The following KIAA1217 variants were observed in gnomAD, a reference collection of about 807,000 sequenced individuals.
KIAA1217 encodes the protein sickle tail protein homolog.
A neutral mutation model predicts 163.9 loss-of-function variants in KIAA1217; 88 were observed. The ratio of observed to expected loss-of-function variants is 0.54; its 90% CI spans 0.45 to 0.64. The LOEUF is 0.64. Ranked by LOEUF, KIAA1217 falls within the 30% of genes least tolerant of loss-of-function variation. The pLI, the probability that KIAA1217 is intolerant of heterozygous loss-of-function variation, is 0.00. For missense variants in KIAA1217, 2,372 were observed against 2,475.0 expected (o/e 0.96, Z 0.88); for synonymous variants, 903 against 923.1 (o/e 0.98, Z 0.39).
At chr10:24,247,377 G>A (rs376428383) in intron 2 of KIAA1217, among the ~76,000 whole-genome samples, 8 of 152,098 alleles carry the variant, frequency 5.3e-5, no homozygotes, top group African/African-American at 1.4e-4. Context: ...CAATCCTCTC[G>A]CCTCTGCCTC....
At chr10:23,849,703 TA>T (rs368134730) in intron 1 of KIAA1217, among the ~76,000 whole-genome samples, 126 of 151,950 alleles carry the variant, frequency 8.3e-4, no homozygotes, top group African/African-American at 2.8e-3. Context: ...AAATAAAACT[TA>T]AAAAAAAGAG....
intron 2 of KIAA1217, among the ~76,000 whole-genome samples, chr10:24,308,140 A>G (rs2042219453): frequency 6.6e-6 from 1 of 152,200 alleles, no homozygotes; most frequent in Non-Finnish European, 1.5e-5. Context: ...CTCTATTGCT[A>G]AGCTGTGGAA....
chr10:24,059,221 T>C (rs1383580344), intron 2 of KIAA1217, among the ~76,000 whole-genome samples: 1 of 152,214 alleles, frequency 6.6e-6, no homozygotes, highest in Admixed American at 6.5e-5. Context: ...ACCCTAGGGA[T>C]AAATTTCACT....
intron 1 of KIAA1217, among the ~76,000 whole-genome samples, chr10:23,738,274 T>G (rs1351301816): frequency 6.6e-6 from 1 of 152,244 alleles, no homozygotes; most frequent in Non-Finnish European, 1.5e-5. Flanking sequence ...CAATTTCTAA[T>G]GTCAAGTTTG....
intron 5 of KIAA1217, among the ~76,000 whole-genome samples, chr10:24,439,779 C>A (rs2132011364): frequency 6.6e-6 from 1 of 152,208 alleles, no homozygotes; most frequent in Admixed American, 6.5e-5. Flanking sequence ...ATCCCTAACC[C>A]TCCCATGTCC....
intron 2 of KIAA1217, among the ~76,000 whole-genome samples, chr10:24,180,174 G>A (rs1257282394): frequency 6.6e-6 from 1 of 151,884 alleles, no homozygotes; most frequent in Non-Finnish European, 1.5e-5. Flanking sequence ...ATGCCAAAGT[G>A]GCTTCTTTTA....
upstream of KIAA1217, among the ~76,000 whole-genome samples, chr10:24,205,544 C>T (rs1427915314): frequency 6.6e-6 from 1 of 151,910 alleles, no homozygotes; most frequent in East Asian, 1.9e-4. Flanking sequence ...GAGCCCGAGG[C>T]AGGCAGATCA....
chr10:23,977,392 A>T (rs572900913), intron 1 of KIAA1217, among the ~76,000 whole-genome samples: 1 of 152,286 alleles, frequency 6.6e-6, no homozygotes, highest in South Asian at 2.1e-4. Context: ...TAAACTTCAG[A>T]GAGGTTAGGT....
At chr10:24,280,491 G>A (rs192023552) in intron 2 of KIAA1217, among the ~76,000 whole-genome samples, 2 of 152,086 alleles carry the variant, frequency 1.3e-5, no homozygotes, top group African/African-American at 4.8e-5. Context: ...GACCTTTTCC[G>A]CACAGGTAAA....
chr10:24,347,610 T>C (rs1006060864), intron 2 of KIAA1217, among the ~76,000 whole-genome samples: 7 of 152,298 alleles, frequency 4.6e-5, no homozygotes, highest in African/African-American at 1.4e-4. Context: ...TTTGTTTTCA[T>C]AGCTGGGGAT....
Position 24,279,083 on chromosome 10 carries a change from G to A in KIAA1217, c.354+59174G>A, listed in dbSNP as rs566512089. Among the ~76,000 whole-genome samples, 6 of 152,050 alleles carry A rather than the reference G, an allele frequency of 3.9e-5. No individual in the cohort carries two copies. In the South Asian group the frequency reaches 6.2e-4, roughly 16 times the overall value. ...TTGAACTCCCAACCTCAGGTGATCC[G>A]CACATCTTGGCCTCCCAAAGTACTG... On this transcript the variant is annotated intron_variant, in intron 2 of 20. Transcript: ENST00000376454.
intron 5 of KIAA1217, among the ~76,000 whole-genome samples, chr10:24,459,065 T>TG (rs2062086628): frequency 6.6e-6 from 1 of 151,962 alleles, no homozygotes; most frequent in Non-Finnish European, 1.5e-5. Flanking sequence ...AGTAATCTGA[T>TG]TTACTAAACT....
intron 1 of KIAA1217, among the ~76,000 whole-genome samples, chr10:23,709,966 A>C (rs1371010944): frequency 6.6e-6 from 1 of 152,202 alleles, no homozygotes; most frequent in Non-Finnish European, 1.5e-5. Flanking sequence ...GTGAAGAGTT[A>C]ATTATCTGAT....
In KIAA1217 at chr10:23,814,819, CA is replaced by C. The variant is rs11396330; in HGVS notation, c.-321+119596del. On this transcript the variant is annotated intron_variant, in intron 1 of 18. Coordinates refer to the KIAA1217 transcript ENST00000376462. ...TATTTTAAATCATTTAGTAGATAAC[CA>C]AAAAAAAAAATCACTTAAGAGTCTG... Among the ~76,000 whole-genome samples the C allele has an allele frequency of 8.8e-3, 1,292 of 146,006 alleles. 19 individuals carry two copies. The highest frequency in any genetic ancestry group is 0.026 in the African/African-American group (1,057 of 40,400).
chr10:24,308,638 C>G (rs540965808), intron 2 of KIAA1217, among the ~76,000 whole-genome samples: 1 of 152,150 alleles, frequency 6.6e-6, no homozygotes, highest in African/African-American at 2.4e-5. Context: ...AAAACCTGTG[C>G]GTATCCATCA....
At chr10:24,312,923 C>A (rs1027118187) in intron 2 of KIAA1217, among the ~76,000 whole-genome samples, 9 of 152,092 alleles carry the variant, frequency 5.9e-5, no homozygotes, top group South Asian at 4.1e-4. Context: ...CTCAAACAAA[C>A]AAAACCCTAC....
Position 24,362,102 on chromosome 10 carries a change from A to AT in KIAA1217, c.355-18759dup, listed in dbSNP as rs527574146. ...AATAGAGCATCTTTTTGAGAATGCAATTTTTTTTAAATCTGCAAGTTCCTA... is the reference window on the plus strand; with the variant it reads ...AATAGAGCATCTTTTTGAGAATGCAATTTTTTTTTAAATCTGCAAGTTCCTA... On this transcript the variant is annotated intron_variant, in intron 2 of 20. Coordinates refer to ENST00000376454, the MANE Select transcript of KIAA1217 (RefSeq NM_019590.5). Among the ~76,000 whole-genome samples the AT allele has an allele frequency of 1.7e-4, 26 of 152,096 alleles. 1 individual carries two copies. Among genetic ancestry groups the AT allele is most frequent in the East Asian group, 1.4e-3 (7 of 5,174 alleles).
intron 6 of KIAA1217, among the ~76,000 whole-genome samples, chr10:24,488,808 T>C (rs2065730402): frequency 6.6e-6 from 1 of 152,212 alleles, no homozygotes; most frequent in African/African-American, 2.4e-5. Flanking sequence ...TGTTCACTAT[T>C]GCATCCTGGA....
At chr10:24,192,243 A>G (rs1447794808) in intron 2 of KIAA1217, among the ~76,000 whole-genome samples, 1 of 152,234 alleles carries the variant, frequency 6.6e-6, no homozygotes, top group Non-Finnish European at 1.5e-5. Flanking sequence ...TTAGGGACTC[A>G]GCGATGATTC....
Sources: allele counts gnomAD v4.1 joint callset (sites outside exome capture counted in the v4.1 genomes callset), GRCh38; gene constraint gnomAD v4.1.1; transcripts MANE v1.5; gene names NCBI Gene and HGNC (gene_info 2026-07-23, HGNC 2026-07-21).